Variants in FGF14 observed in about 807,000 individuals in gnomAD.
The protein encoded by FGF14 is fibroblast growth factor homologous factor 4.
FGF14 carries 5 observed loss-of-function variants against 25.5 expected under a neutral mutation model. The ratio of observed to expected loss-of-function variants is 0.20; its 90% CI spans 0.10 to 0.41. The LOEUF is 0.41. FGF14 is among the 10% of genes least tolerant of loss of function. The pLI is 1.00. For missense variants in FGF14, 222 were observed against 320.1 expected, an observed-to-expected ratio of 0.69 and a Z score of 2.34; for synonymous variants, 138 against 118.3, an observed-to-expected ratio of 1.17 and a Z score of -1.08.
chr13:102,178,730 T>C (rs558319311), intron 1 of FGF14, among the ~76,000 whole-genome samples: 2 of 152,300 alleles, frequency 1.3e-5, no homozygotes, highest in South Asian at 4.1e-4. Flanking sequence ...TCATTCTTTT[T>C]TGTGGCTGAG....
intron 3 of FGF14, among the ~76,000 whole-genome samples, chr13:101,820,167 A>G (rs1263640229): frequency 6.6e-6 from 1 of 152,208 alleles, no homozygotes; most frequent in East Asian, 1.9e-4. Context: ...TATATCAATG[A>G]ACCAAATGTT....
chr13:102,333,250 C>T (rs192216313), intron 1 of FGF14, among the ~76,000 whole-genome samples: 6 of 152,212 alleles, frequency 3.9e-5, no homozygotes, highest in African/African-American at 9.6e-5. Context: ...CTCACATATG[C>T]GAAGTGTTCA....
At chr13:102,271,537 T>A (rs2141163157) in intron 1 of FGF14, among the ~76,000 whole-genome samples, 1 of 152,320 alleles carries the variant, frequency 6.6e-6, no homozygotes, top group East Asian at 1.9e-4. Flanking sequence ...CACGAATTCT[T>A]TTGGAAAGCC....
rs552719634 is a variant in FGF14 at position 102,381,958 on chromosome 13, A to G, written c.208+19513T>C. ...TAGATGTCTACAGGCACAAGAATGA[A>G]GTTGGACCCCTACCTCACAGCATCT... is the stretch of plus-strand genomic sequence containing the variant. On this transcript the variant is annotated intron_variant, in intron 1 of 4. Transcript: ENST00000376131. 2.0e-5 allele frequency among the ~76,000 whole-genome samples: 3 copies of G among 152,314 alleles called. No individual in the cohort carries two copies. In the East Asian group the frequency reaches 5.8e-4, roughly 29 times the overall value.
intron 1 of FGF14, among the ~76,000 whole-genome samples, chr13:102,373,932 G>A (rs1337631288): frequency 6.6e-6 from 1 of 152,030 alleles, no homozygotes; most frequent in Non-Finnish European, 1.5e-5. Flanking sequence ...GGCTGAGGTG[G>A]GACCTGAGCA....
chr13:102,312,695 A>G (rs1197304209), intron 1 of FGF14, among the ~76,000 whole-genome samples: 1 of 152,160 alleles, frequency 6.6e-6, no homozygotes, highest in African/African-American at 2.4e-5. Context: ...AAGAATTAGA[A>G]CTTATAGGAG....
chr13:102,063,190 TTTAGAAAA>T (rs1478487116), intron 1 of FGF14, among the ~76,000 whole-genome samples: 1 of 152,190 alleles, frequency 6.6e-6, no homozygotes, highest in African/African-American at 2.4e-5. Flanking sequence ...TAGGACAAAA[TTTAGAAAA>T]TGGTACTATA....
intron 1 of FGF14, among the ~76,000 whole-genome samples, chr13:101,995,243 C>A (rs1024128887): frequency 6.6e-6 from 1 of 151,866 alleles, no homozygotes; most frequent in African/African-American, 2.4e-5. Context: ...TATTTGCATG[C>A]GTATGTTTTA....
rs2034789551 is a variant in FGF14, at chr13:101,717,968, C to T, written c.*4863G>A. 1 of 152,048 alleles carries T rather than the reference C, an allele frequency of 6.6e-6. No individual in the cohort carries two copies. Among genetic ancestry groups the T allele is most frequent in the African/African-American group, 2.4e-5 (1 of 41,396 alleles). 9.4% of individuals were successfully genotyped at this position (152,048 alleles called of 1,614,324 possible). Reference sequence around the variant, plus strand: ...ATGTAAGAAGAGTGTCAAAAATGTCCTCGGCATTTGTTTTCTCAGAAAAAG... The same window carrying T: ...ATGTAAGAAGAGTGTCAAAAATGTCTTCGGCATTTGTTTTCTCAGAAAAAG... On this transcript the variant is annotated 3_prime_UTR_variant, in exon 5 of 5. Coordinates refer to ENST00000376143, the MANE Select transcript of FGF14 (RefSeq NM_004115.4).
intron 1 of FGF14, among the ~76,000 whole-genome samples, chr13:102,086,544 G>A (rs1255229226): frequency 1.3e-5 from 2 of 152,026 alleles, no homozygotes. Flanking sequence ...AAAAAGAAGT[G>A]CTTCCGACCT....
intron 1 of FGF14, among the ~76,000 whole-genome samples, chr13:102,114,967 A>T (rs2045399990): frequency 1.3e-5 from 2 of 152,204 alleles, no homozygotes; most frequent in South Asian, 4.1e-4. Flanking sequence ...AGAGCATATT[A>T]CATGCTCTTA....
intron 3 of FGF14, among the ~76,000 whole-genome samples, chr13:101,838,170 C>T (rs2043016925): frequency 1.3e-5 from 2 of 151,944 alleles, no homozygotes; most frequent in Admixed American, 1.3e-4. Context: ...TATGTATACA[C>T]CTGTCCTATT....
chr13:102,385,397 C>G (rs1055146794), intron 1 of FGF14, among the ~76,000 whole-genome samples: 3 of 152,280 alleles, frequency 2.0e-5, no homozygotes, highest in Non-Finnish European at 4.4e-5. Flanking sequence ...GCTGGTTATA[C>G]TGTACCAATG....
chr13:102,255,852 G>A (rs1248382763), intron 1 of FGF14, among the ~76,000 whole-genome samples: 2 of 152,212 alleles, frequency 1.3e-5, no homozygotes, highest in Non-Finnish European at 2.9e-5. Flanking sequence ...TATTGTGAGT[G>A]AGCATGCTGC....
intron 1 of FGF14, among the ~76,000 whole-genome samples, chr13:102,286,185 G>C (rs987992642): frequency 5.3e-5 from 8 of 152,094 alleles, no homozygotes; most frequent in African/African-American, 1.9e-4. Flanking sequence ...ATTCTCACCA[G>C]GTTTGTCCAC....
At chr13:102,043,440 T>A (rs2041837222) in intron 1 of FGF14, among the ~76,000 whole-genome samples, 3 of 152,186 alleles carry the variant, frequency 2.0e-5, no homozygotes, top group African/African-American at 4.8e-5. Context: ...CCAGATACTT[T>A]GCTAAACACT....
chr13:102,316,360 T>C (rs2056021233), intron 1 of FGF14, among the ~76,000 whole-genome samples: 1 of 152,206 alleles, frequency 6.6e-6, no homozygotes, highest in African/African-American at 2.4e-5. Flanking sequence ...ATGTGGTAAG[T>C]TGATGGGGTG....
chr13:101,737,834 A>G (rs1406304441), intron 3 of FGF14, among the ~76,000 whole-genome samples: 1 of 152,140 alleles, frequency 6.6e-6, no homozygotes, highest in Non-Finnish European at 1.5e-5. Context: ...TTTATATCAA[A>G]CATTTTAATA....
chr13:102,366,153 T>C (rs1461130829), intron 1 of FGF14, among the ~76,000 whole-genome samples: 4 of 152,156 alleles, frequency 2.6e-5, no homozygotes, highest in East Asian at 1.9e-4. Context: ...TTAAATCAAA[T>C]AGAAATTGTA....
Sources: gnomAD v4.1 joint callset for allele counts (sites outside exome capture counted in the v4.1 genomes callset) on GRCh38, gnomAD v4.1.1 for gene constraint, MANE v1.5 for transcripts, NCBI Gene and HGNC (gene_info 2026-07-23, HGNC 2026-07-21) for gene names.